Variants in GALNTL6 observed in about 807,000 individuals in gnomAD.
GALNTL6 encodes the protein polypeptide N-acetylgalactosaminyltransferase-like 6.
GALNTL6 carries 46 observed loss-of-function variants against 73.7 expected under a neutral mutation model. The ratio of observed to expected loss-of-function variants is 0.62; its 90% confidence interval spans 0.49 to 0.80. The LOEUF (loss-of-function observed/expected upper bound fraction) is 0.80. Among genes scored for constraint, GALNTL6 ranks in the 30% least tolerant of loss-of-function variants. The pLI, the probability that GALNTL6 is intolerant of heterozygous loss-of-function variation, is 0.00. For synonymous variants in GALNTL6, 259 were observed against 263.7 expected, an observed-to-expected ratio of 0.98 and a Z score of 0.17; for missense variants, 604 against 755.0, an observed-to-expected ratio of 0.80 and a Z score of 2.34.
intron 5 of GALNTL6, among the ~76,000 whole-genome samples, chr4:172,630,569 T>G (rs1739351742): frequency 6.6e-6 from 1 of 152,024 alleles, no homozygotes; most frequent in Non-Finnish European, 1.5e-5. Context: ...AAATAGCCAT[T>G]ATCTCCATGG....
In GALNTL6 at chr4:172,292,539, C is replaced by G. The variant is rs972629895; in HGVS notation, c.248-19075C>G. On this transcript the variant is annotated intron_variant, in intron 3 of 12. Transcript: ENST00000506823. The stretch of plus-strand genomic sequence containing the variant: ...AGAATTCCATGAGTGGAGCATGAAA[C>G]TGGGACTAAGCCTGATCAGATTACA... 5.3e-5 allele frequency among the ~76,000 whole-genome samples: 8 copies of G among 152,206 alleles called. No homozygotes were observed. In the South Asian group the frequency reaches 1.5e-3, roughly 28 times the overall value.
At position 172,898,351 on chromosome 4, in the gene GALNTL6, G is replaced by T. The variant is rs188715957; in HGVS notation, c.1041+15444G>T. Among the ~76,000 whole-genome samples, 718 of 147,708 alleles carry T rather than the reference G, an allele frequency of 4.9e-3. 6 individuals carry two copies. Among genetic ancestry groups the T allele is most frequent in the Middle Eastern group, 0.011 (3 of 268 alleles). Reference sequence around the variant, plus strand: ...GTATAAGATAAAATATCAAATTTCAGAGCTTATAAATAAAAATAATTACGA... The same window carrying T: ...GTATAAGATAAAATATCAAATTTCATAGCTTATAAATAAAAATAATTACGA... On this transcript the variant is annotated intron_variant, in intron 8 of 12. Coordinates refer to ENST00000506823, the MANE Select transcript of GALNTL6 (RefSeq NM_001034845.3).
chr4:172,259,757 T>A lies in GALNTL6; in HGVS notation c.247+29993T>A, dbSNP rs1738194930. On this transcript the variant is annotated intron_variant, in intron 3 of 12. Coordinates refer to ENST00000506823, the MANE Select transcript of GALNTL6 (RefSeq NM_001034845.3). Reference sequence around the variant, plus strand: ...TGGTTTCAGGCCTTAGATTTAAGTCTTTGATCCATCTTGAGTAGATTTTTG... The same window carrying A: ...TGGTTTCAGGCCTTAGATTTAAGTCATTGATCCATCTTGAGTAGATTTTTG... Among the ~76,000 whole-genome samples the A allele has an allele frequency of 3.3e-5, 5 of 151,676 alleles. No homozygotes were observed. In the South Asian group the frequency reaches 1.0e-3, roughly 31 times the overall value.
intron 5 of GALNTL6, among the ~76,000 whole-genome samples, chr4:172,577,023 C>T (rs1736981730): frequency 6.6e-6 from 1 of 152,140 alleles, no homozygotes; most frequent in Admixed American, 6.5e-5. Flanking sequence ...AAACGGTCTC[C>T]ACCTCTAGTC....
chr4:172,358,857 C>CAAA (rs56119441), intron 5 of GALNTL6, among the ~76,000 whole-genome samples: 1 of 85,552 alleles, frequency 1.2e-5, no homozygotes, highest in African/African-American at 4.7e-5. Context: ...ATTAAAAAGT[C>CAAA]AAAAAAAAAA....
At chr4:172,613,700 A>G (rs1738616190) in intron 5 of GALNTL6, among the ~76,000 whole-genome samples, 1 of 152,148 alleles carries the variant, frequency 6.6e-6, no homozygotes, top group South Asian at 2.1e-4. Context: ...AGTCAAAAAT[A>G]CCATATTTTT....
intron 5 of GALNTL6, among the ~76,000 whole-genome samples, chr4:172,596,022 T>G (rs1737838197): frequency 6.6e-6 from 1 of 152,090 alleles, no homozygotes; most frequent in Non-Finnish European, 1.5e-5. Flanking sequence ...TATATAAACA[T>G]ATAAGTGTTA....
intron 8 of GALNTL6, among the ~76,000 whole-genome samples, chr4:172,893,160 A>G (rs914806424): frequency 6.6e-6 from 1 of 152,144 alleles, no homozygotes; most frequent in African/African-American, 2.4e-5. Context: ...GCTTGTCCCA[A>G]ACCTTCTGTG....
chr4:172,194,484 C>T (rs898923786), intron 2 of GALNTL6, among the ~76,000 whole-genome samples: 1 of 152,046 alleles, frequency 6.6e-6, no homozygotes, highest in East Asian at 1.9e-4. Context: ...GAAGATCAAC[C>T]ACAAGGCACA....
At chr4:172,259,988 C>A (rs1459915782) in intron 3 of GALNTL6, among the ~76,000 whole-genome samples, 1 of 151,362 alleles carries the variant, frequency 6.6e-6, no homozygotes, top group African/African-American at 2.4e-5. Context: ...TATACCAGTA[C>A]CATGCTATTT....
intron 5 of GALNTL6, among the ~76,000 whole-genome samples, chr4:172,387,981 C>T (rs913034021): frequency 4.6e-5 from 7 of 152,090 alleles, no homozygotes; most frequent in Non-Finnish European, 8.8e-5. Context: ...TACAAATGTA[C>T]CTCTTTTAAA....
intron 2 of GALNTL6, among the ~76,000 whole-genome samples, chr4:172,140,511 C>A (rs1019412135): frequency 6.6e-6 from 1 of 151,984 alleles, no homozygotes; most frequent in Non-Finnish European, 1.5e-5. Flanking sequence ...TCCTCATATA[C>A]CTTCTGACAT....
chr4:172,363,444 GAAT>G (rs1220775595), intron 5 of GALNTL6, among the ~76,000 whole-genome samples: 2 of 152,092 alleles, frequency 1.3e-5, no homozygotes, highest in Non-Finnish European at 2.9e-5. Context: ...AGTAAAAGTA[GAAT>G]AATAATAATA....
chr4:172,115,025 GC>G (rs1224357026), intron 2 of GALNTL6, among the ~76,000 whole-genome samples: 4 of 152,006 alleles, frequency 2.6e-5, no homozygotes, highest in Non-Finnish European at 5.9e-5. Context: ...TTTACTAATG[GC>G]TTACAGGTAT....
intron 5 of GALNTL6, among the ~76,000 whole-genome samples, chr4:172,577,033 C>T (rs1475284826): frequency 1.3e-5 from 2 of 152,256 alleles, no homozygotes; most frequent in South Asian, 2.1e-4. Context: ...CACCTCTAGT[C>T]AGTGGCTGGA....
rs370057177 is a variant in GALNTL6 at position 173,041,317 on chromosome 4, G to C, written c.*1217G>C. ...TTTTCTGTTAATGGGACAATATTTC[G>C]GGGATGAAGAAAGGAATGCTCCGAA... On this transcript the variant is annotated 3_prime_UTR_variant, in exon 13 of 13. Transcript: ENST00000506823. 6.6e-6 allele frequency: 1 copy of C among 151,670 alleles called. No individual in the cohort carries two copies. The highest frequency in any genetic ancestry group is 1.5e-5 in the Non-Finnish European group (1 of 67,968). 9.4% of individuals were successfully genotyped at this position (151,670 alleles called of 1,614,324 possible).
At chr4:172,527,053 G>GC (rs1734984057) in intron 5 of GALNTL6, among the ~76,000 whole-genome samples, 1 of 152,102 alleles carries the variant, frequency 6.6e-6, no homozygotes, top group Non-Finnish European at 1.5e-5. Context: ...TGGATATCTA[G>GC]CCCTTTTTGC....
intron 5 of GALNTL6, among the ~76,000 whole-genome samples, chr4:172,716,484 C>T (rs144486588): frequency 1.1e-3 from 90 of 80,324 alleles, no homozygotes; most frequent in African/African-American, 3.4e-3. Flanking sequence ...CGATGACTGA[C>T]GCCCAGAGTA....
At chr4:172,658,162 A>AAAAAAAAAAAAAAAAG (rs1184427799) in intron 5 of GALNTL6, among the ~76,000 whole-genome samples, 24 of 124,474 alleles carry the variant, frequency 1.9e-4, no homozygotes, top group African/African-American at 7.0e-4. Context: ...AAAAAAAAAA[A>AAAAAAAAAAAAAAAAG]AAAAAAAGAA....
Sources: gnomAD v4.1 joint callset for allele counts (sites outside exome capture counted in the v4.1 genomes callset) on GRCh38, gnomAD v4.1.1 for gene constraint, MANE v1.5 for transcripts, NCBI Gene and HGNC (gene_info 2026-07-23, HGNC 2026-07-21) for gene names.